The following PXDNL variants were observed in gnomAD, a reference collection of about 807,000 sequenced individuals.
PXDNL encodes the protein peroxidasin like, also known as probable oxidoreductase PXDNL.
A neutral mutation model predicts 150.8 loss-of-function variants in PXDNL; 145 were observed. The ratio of observed to expected loss-of-function variants is 0.96; its 90% CI spans 0.84 to 1.10. The LOEUF is 1.10. PXDNL is among the 50% of genes least tolerant of loss of function. PXDNL has a pLI of 0.00. For synonymous variants in PXDNL, 757 were observed against 725.7 expected (o/e 1.04, Z -0.69); for missense variants, 2,087 against 1,873.9 (o/e 1.11, Z -2.10).
chr8:51,403,994 T>C (rs373169510), intron 17 of PXDNL, among the ~76,000 whole-genome samples: 45 of 152,222 alleles, frequency 3.0e-4, no homozygotes, highest in Non-Finnish European at 4.1e-4. Flanking sequence ...AAGAGTGAAA[T>C]TGCAGACCTT....
chr8:51,513,734 C>T (rs1811475129), intron 4 of PXDNL, among the ~76,000 whole-genome samples: 1 of 152,204 alleles, frequency 6.6e-6, no homozygotes, highest in South Asian at 2.1e-4. Flanking sequence ...CTCAAATTCA[C>T]TTTTGTAAAT....
intron 3 of PXDNL, among the ~76,000 whole-genome samples, chr8:51,584,618 A>G (rs6473628): frequency 0.63 from 95,646 of 152,038 alleles, 32,279 homozygotes; most frequent in African/African-American, 0.89. Context: ...CAATATCCCA[A>G]CATAATACAG....
chr8:51,533,813 G>A (rs1200897119), intron 4 of PXDNL, among the ~76,000 whole-genome samples: 1 of 150,750 alleles, frequency 6.6e-6, no homozygotes, highest in African/African-American at 2.5e-5. Context: ...CTGGAGTGCA[G>A]TGGCGTGATC....
chr8:51,343,403 C>T (rs1806047561), intron 20 of PXDNL, among the ~76,000 whole-genome samples: 1 of 152,122 alleles, frequency 6.6e-6, no homozygotes. Flanking sequence ...AATCAGAGCT[C>T]TTCTTACCTT....
chr8:51,409,638 G>T (rs770010176), intron 16 of PXDNL, 77 bp from the exon 17 acceptor site: 6 of 1,272,048 alleles, frequency 4.7e-6, no homozygotes, highest in Admixed American at 2.7e-5. Context: ...CAGATGCTGC[G>T]GGAACCACCT....
chr8:51,524,259 G>T (rs1365605614), intron 4 of PXDNL, among the ~76,000 whole-genome samples: 2 of 152,060 alleles, frequency 1.3e-5, no homozygotes, highest in Non-Finnish European at 2.9e-5. Context: ...TTCTTGTAAT[G>T]AAAACAGATA....
chr8:51,757,995 CAT>C (rs904616305), intron 1 of PXDNL, among the ~76,000 whole-genome samples: 30 of 152,122 alleles, frequency 2.0e-4, no homozygotes, highest in African/African-American at 6.7e-4. Flanking sequence ...AAAAACTGAA[CAT>C]ATTTTTCATG....
chr8:51,795,497 CA>C (rs1333863759), intron 1 of PXDNL, among the ~76,000 whole-genome samples: 1 of 152,208 alleles, frequency 6.6e-6, no homozygotes, highest in Non-Finnish European at 1.5e-5. Context: ...GAAACTCATT[CA>C]AAACCACACA....
intron 10 of PXDNL, among the ~76,000 whole-genome samples, chr8:51,449,806 T>C (rs1809762172): frequency 6.6e-6 from 1 of 152,194 alleles, no homozygotes; most frequent in African/African-American, 2.4e-5. Flanking sequence ...CAAAAGAACT[T>C]TCGCAGATGA....
chr8:51,690,227 A>T (rs1012096930), intron 1 of PXDNL, among the ~76,000 whole-genome samples: 2 of 152,074 alleles, frequency 1.3e-5, no homozygotes, highest in African/African-American at 4.8e-5. Flanking sequence ...TGTGCAGGTT[A>T]GTTACATATG....
intron 7 of PXDNL, among the ~76,000 whole-genome samples, chr8:51,473,552 A>G (rs1400949331): frequency 6.6e-6 from 1 of 152,080 alleles, no homozygotes; most frequent in Non-Finnish European, 1.5e-5. Context: ...AGGCTTAAGA[A>G]CTTCCAAGAA....
At chr8:51,476,472 T>C (rs957649901) in intron 6 of PXDNL, among the ~76,000 whole-genome samples, 4 of 152,198 alleles carry the variant, frequency 2.6e-5, no homozygotes, top group Non-Finnish European at 5.9e-5. Context: ...AGGAAGGCGA[T>C]GGCTCTTTTC....
chr8:51,453,053 T>A (rs1409441855), intron 10 of PXDNL, among the ~76,000 whole-genome samples: 1 of 152,166 alleles, frequency 6.6e-6, no homozygotes, highest in Non-Finnish European at 1.5e-5. Context: ...TGCCCATGCA[T>A]ATAAATTAAT....
At chr8:51,780,654 C>CTTTT (rs71237240) in intron 1 of PXDNL, among the ~76,000 whole-genome samples, 174 of 74,768 alleles carry the variant, frequency 2.3e-3, no homozygotes, top group Non-Finnish European at 3.0e-3. Flanking sequence ...CTTTTCTTTT[C>CTTTT]TTTTTTTTTT....
At chr8:51,362,841 T>C (rs1806798580) in intron 19 of PXDNL, among the ~76,000 whole-genome samples, 1 of 152,264 alleles carries the variant, frequency 6.6e-6, no homozygotes, top group African/African-American at 2.4e-5. Flanking sequence ...GTGTACTATA[T>C]ATGTTAAGTG....
chr8:51,768,900 C>A (rs566041042), intron 1 of PXDNL, among the ~76,000 whole-genome samples: 2 of 152,158 alleles, frequency 1.3e-5, no homozygotes, highest in Non-Finnish European at 2.9e-5. Context: ...TCGAGACTAT[C>A]CTGGCTAACA....
chr8:51,636,485 C>A (rs1814605345), intron 2 of PXDNL, among the ~76,000 whole-genome samples: 1 of 152,072 alleles, frequency 6.6e-6, no homozygotes. Context: ...GATAATAAAT[C>A]AATTTATCAC....
At chr8:51,795,125 G>A (rs1160865883) in intron 1 of PXDNL, among the ~76,000 whole-genome samples, 1 of 152,020 alleles carries the variant, frequency 6.6e-6, no homozygotes, top group Non-Finnish European at 1.5e-5. Flanking sequence ...CAAAATACAG[G>A]AGCACCCAGA....
chr8:51,427,180 T>A (rs1386462629), intron 12 of PXDNL, among the ~76,000 whole-genome samples: 1 of 152,120 alleles, frequency 6.6e-6, no homozygotes, highest in African/African-American at 2.4e-5. Flanking sequence ...CAAACTACCA[T>A]AACACACCTA....
Sources: allele counts gnomAD v4.1 joint callset (sites outside exome capture counted in the v4.1 genomes callset), GRCh38; gene constraint gnomAD v4.1.1; transcripts MANE v1.5; gene names NCBI Gene and HGNC (gene_info 2026-07-23, HGNC 2026-07-21).